SNX21: variants seen among roughly 807,000 people sequenced by gnomAD.
The protein encoded by SNX21 is sorting nexin family member 21, also known as sorting nexin-21.
SNX21 carries 36 observed loss-of-function variants against 30.9 expected under a neutral mutation model. The ratio of observed to expected loss-of-function variants is 1.16; its 90% confidence interval spans 0.89 to 1.54. SNX21 has a LOEUF of 1.54. Among genes scored for constraint, SNX21 ranks in the 40% most tolerant of loss-of-function variants. The pLI is 0.00. For synonymous variants in SNX21, 218 were observed against 222.7 expected (o/e 0.98, Z 0.19); for missense variants, 508 against 516.5 (o/e 0.98, Z 0.16).
intron 3 of SNX21, among the ~76,000 whole-genome samples, chr20:45,839,195 T>G (rs1310429250): frequency 6.6e-6 from 1 of 152,138 alleles, no homozygotes; most frequent in Non-Finnish European, 1.5e-5. Context: ...CACTGCAACC[T>G]GCCCAAGAAG....
rs992706756 is a variant in SNX21, at chr20:45,841,227, C to T, written c.1036C>T (p.Arg346Trp). Residue 346 changes from arginine (R) to tryptophan (W), a missense_variant, in exon 4 of 4, where the codon CGG (arginine) becomes TGG (tryptophan). Arg to Trp is a moderately radical substitution (Grantham distance 101, BLOSUM62 -3). Coordinates refer to ENST00000491381, the MANE Select transcript of SNX21 (RefSeq NM_033421.4). ...CCTGGACAAACGTCAATCAGAGGCT[C>T]GGCTCCAAGCCCTGCAGGAGGCAGG... ...LGLDKRQSEA[R>W]LQALQEAGLT... 16 of 1,613,218 alleles carry T rather than the reference C, an allele frequency of 9.9e-6. No homozygotes were observed. The highest frequency in any genetic ancestry group is 6.7e-5 in the African/African-American group (5 of 74,930).
Position 45,841,103 on chromosome 20 carries a change from A to G in SNX21, c.912A>G (p.Ala304=), listed in dbSNP as rs1984067184. The G allele has an allele frequency of 6.2e-7, 1 of 1,609,892 alleles. No individual in the cohort carries two copies. The highest frequency in any genetic ancestry group is 8.5e-7 in the Non-Finnish European group (1 of 1,178,602). ...QELEDPGEAR[A]CCEKALQLLG... ...TGGAAGACCCTGGAGAGGCCCGGGC[A>G]TGCTGTGAGAAGGCCCTGCAGCTGC... Residue 304 remains alanine (A), a synonymous_variant, in exon 4 of 4, where the codon GCA becomes GCG. Transcript: ENST00000491381.
chr20:45,834,697 T>G (rs73308458), intron 2 of SNX21: 1 of 669,890 alleles, frequency 1.5e-6, no homozygotes, highest in East Asian at 2.8e-5. Flanking sequence ...TCAGAATTGC[T>G]GCAGGCATTA....
chr20:45,842,437 T>C lies in SNX21; in HGVS notation c.*1124T>C. ...TGTGTTAGGAAAACTATCGGCTCCC[T>C]GTATAATAAATCAAGCCAGGTCCTC... is the stretch of plus-strand genomic sequence containing the variant. On this transcript the variant is annotated 3_prime_UTR_variant, in exon 4 of 4. Transcript: ENST00000491381. The C allele has an allele frequency of 1.1e-5, 12 of 1,101,946 alleles. No homozygotes were observed. The highest frequency in any genetic ancestry group is 1.3e-5 in the Non-Finnish European group (12 of 903,338). 68.3% of individuals were successfully genotyped at this position (1,101,946 alleles called of 1,614,324 possible). A position where few individuals can be genotyped will look rare whatever the true frequency, so the allele number is the denominator to read the frequency against.
In SNX21 at chr20:45,840,890, G is replaced by A. The variant is rs779791518; in HGVS notation, c.699G>A (p.Pro233=). The A allele has an allele frequency of 8.7e-6, 14 of 1,613,222 alleles. No individual in the cohort carries two copies. Among genetic ancestry groups the A allele is most frequent in the East Asian group, 2.2e-5 (1 of 44,896 alleles). Residue 233 remains proline (P), a synonymous_variant, in exon 4 of 4, where the codon CCG becomes CCA. Transcript: ENST00000491381. The part of the protein sequence containing the change: ...LQAVPELRHA[P]DLQDFFVLPE... ...CAGTGCCTGAGCTGCGCCATGCCCC[G>A]GACCTGCAGGACTTCTTCGTGCTGC...
chr20:45,833,832 G>C lies in SNX21; in HGVS notation c.-88G>C. 4 of 1,230,198 alleles carry C rather than the reference G, an allele frequency of 3.3e-6. No individual in the cohort carries two copies. Among genetic ancestry groups the C allele is most frequent in the Non-Finnish European group, 4.1e-6 (4 of 973,454 alleles). The allele number at this position is 1,230,198 out of a possible 1,614,324, so 76.2% of individuals were successfully genotyped here. A position where few individuals can be genotyped will look rare whatever the true frequency, so the allele number is the denominator to read the frequency against. ...GCCCGAGCGGCGCTCTGAGCGGCCT[G>C]AGCCCGGCGGAGCCCTGCAGAACCC... is the stretch of plus-strand genomic sequence containing the variant. On this transcript the variant is annotated 5_prime_UTR_variant, in exon 1 of 4. Transcript: ENST00000491381.
rs751567722 is a variant in SNX21 at position 45,841,140 on chromosome 20, A to G, written c.949A>G (p.Ser317Gly). Reference sequence around the variant, plus strand: ...GGCCCTGCAGCTGCTTGGGGACAAGAGCCTCCACCCTTTGCTGGCACCCTT... The same window carrying G: ...GGCCCTGCAGCTGCTTGGGGACAAGGGCCTCCACCCTTTGCTGGCACCCTT... Reference protein sequence around the residue: ...EKALQLLGDKSLHPLLAPFLE... With the variant: ...EKALQLLGDKGLHPLLAPFLE... The change falls in exon 4 of 4, where the codon AGC (serine) becomes GGC (glycine). Residue 317 changes from serine (S) to glycine (G), a missense_variant. Physicochemically the swap from Ser to Gly is moderately conservative, Grantham distance 56 (BLOSUM62 0). Transcript: ENST00000491381. The G allele has an allele frequency of 6.2e-7, 1 of 1,612,974 alleles. No homozygotes were observed. The highest frequency in any genetic ancestry group is 2.2e-5 in the East Asian group (1 of 44,878).
At chr20:45,836,170 A>G (rs927908906) in intron 3 of SNX21, among the ~76,000 whole-genome samples, 3 of 152,180 alleles carry the variant, frequency 2.0e-5, no homozygotes, top group Non-Finnish European at 1.5e-5. Flanking sequence ...CTCCAATTTC[A>G]GCAGGGACCG....
At chr20:45,838,489 C>T (rs1261700171) in intron 3 of SNX21, 1 of 151,372 alleles carries the variant, frequency 6.6e-6, no homozygotes, top group Non-Finnish European at 1.5e-5. Flanking sequence ...CACGGTGGCT[C>T]ACACCTGTAA....
At chr20:45,837,407 T>C (rs1983635094) in intron 3 of SNX21, among the ~76,000 whole-genome samples, 1 of 152,230 alleles carries the variant, frequency 6.6e-6, no homozygotes, top group Non-Finnish European at 1.5e-5. Flanking sequence ...TAATCCCTAA[T>C]AGTGATATAC....
In SNX21 at chr20:45,842,388, A is replaced by G. The variant is rs1601085473; in HGVS notation, c.*1075A>G. 1.6e-6 allele frequency: 2 copies of G among 1,272,502 alleles called. No homozygotes were observed. The highest frequency in any genetic ancestry group is 7.1e-5 in the East Asian group (2 of 28,084). 78.8% of individuals were successfully genotyped at this position (1,272,502 alleles called of 1,614,324 possible). A position where few individuals can be genotyped will look rare whatever the true frequency, so the allele number is the denominator to read the frequency against. Reference sequence around the variant, plus strand: ...GTCTCCTTCAACAGCTCGGCCAAGCAGAACTGCTGTACCTCTGACCACTTG... The same window carrying G: ...GTCTCCTTCAACAGCTCGGCCAAGCGGAACTGCTGTACCTCTGACCACTTG... On this transcript the variant is annotated 3_prime_UTR_variant, in exon 4 of 4. Transcript: ENST00000491381.
Position 45,840,850 on chromosome 20 carries a change from T to C in SNX21, c.659T>C (p.Leu220Ser), listed in dbSNP as rs1336237401. 1 of 1,613,888 alleles carries C rather than the reference T, an allele frequency of 6.2e-7. No individual in the cohort carries two copies. The change falls in exon 4 of 4, where the codon TTG becomes TCG. Residue 220 changes from leucine to serine, a missense_variant. Transcript: ENST00000491381. Reference protein sequence around the residue: ...ARRSRAFEQFLGHLQAVPELR... With the variant: ...ARRSRAFEQFSGHLQAVPELR... ...CGTAGCCGGGCCTTTGAGCAGTTTTTGGGTCACCTGCAGGCAGTGCCTGAG... is the reference window on the plus strand; with the variant it reads ...CGTAGCCGGGCCTTTGAGCAGTTTTCGGGTCACCTGCAGGCAGTGCCTGAG...
At chr20:45,835,863 C>A (rs1007069954) in intron 3 of SNX21, among the ~76,000 whole-genome samples, 2 of 152,182 alleles carry the variant, frequency 1.3e-5, no homozygotes, top group African/African-American at 4.8e-5. Context: ...TTGGGGAGGA[C>A]CTTGGAGTCC....
rs2145734277 is a variant in SNX21, at chr20:45,834,376, C to CCGAGAACGA, written c.201_202insAACGACGAG (p.Glu67_Asp68insAsnAspGlu). 6.2e-7 allele frequency: 1 copy of CCGAGAACGA among 1,604,366 alleles called. No individual in the cohort carries two copies. The highest frequency in any genetic ancestry group is 2.2e-5 in the East Asian group (1 of 44,690). ...AGCGGCACCCTCAGCTTCACCAGCG[C>CCGAGAACGA]CGAGGACGACGAGGACGACGAGGAC... On this transcript the variant is annotated inframe_insertion, in exon 2 of 4. Transcript: ENST00000491381.
In SNX21 at chr20:45,840,340, CTAA is replaced by C. The variant is rs1428966504; in HGVS notation, c.448-297_448-295del. The C allele has an allele frequency of 6.5e-6, 10 of 1,537,448 alleles. No homozygotes were observed. The Admixed American group carries it at 1.8e-4, about 27-fold the overall frequency. ...TTTCCAGAGGGGGCTGTCAGAAGAA[CTAA>C]TGCTCTATGGGAAGGGAGTACAAAA... On this transcript the variant is annotated intron_variant, in intron 3 of 3. Coordinates refer to ENST00000491381, the MANE Select transcript of SNX21 (RefSeq NM_033421.4).
At position 45,842,241 on chromosome 20, in the gene SNX21, T is replaced by C. The variant is rs1426557361; in HGVS notation, c.*928T>C. The C allele has an allele frequency of 5.6e-6, 8 of 1,439,988 alleles. No individual in the cohort carries two copies. The highest frequency in any genetic ancestry group is 6.3e-6 in the Non-Finnish European group (7 of 1,103,716). 89.2% of individuals were successfully genotyped at this position (1,439,988 alleles called of 1,614,324 possible). A position where few individuals can be genotyped will look rare whatever the true frequency, so the allele number is the denominator to read the frequency against. On this transcript the variant is annotated 3_prime_UTR_variant, in exon 4 of 4. Transcript: ENST00000491381. The stretch of plus-strand genomic sequence containing the variant: ...TGCTCCAAATGCCCCTTCATGAGCT[T>C]ATTATGGACCGTCATTGAGGGGTAA...
At chr20:45,840,230 G>A (rs1346615182) in intron 3 of SNX21, 3 of 1,431,278 alleles carry the variant, frequency 2.1e-6, no homozygotes, top group African/African-American at 2.9e-5. Flanking sequence ...GGGATGTGGA[G>A]GCCAGGTGTC....
Position 45,841,679 on chromosome 20 carries a change from C to T in SNX21, c.*366C>T. On this transcript the variant is annotated 3_prime_UTR_variant, in exon 4 of 4. Coordinates refer to ENST00000491381, the MANE Select transcript of SNX21 (RefSeq NM_033421.4). ...GAGTCCTGGAGTTAAGGGATGAAGG[C>T]AAGGCTGCAGGTCTGGCCCAGGGGA... is the stretch of plus-strand genomic sequence containing the variant. 2.8e-6 allele frequency: 4 copies of T among 1,423,692 alleles called. No homozygotes were observed. Among genetic ancestry groups the T allele is most frequent in the Non-Finnish European group, 3.7e-6 (4 of 1,095,172 alleles). 88.2% of individuals were successfully genotyped at this position (1,423,692 alleles called of 1,614,324 possible). A position where few individuals can be genotyped will look rare whatever the true frequency, so the allele number is the denominator to read the frequency against.
chr20:45,836,224 G>C (rs112335639), intron 3 of SNX21, among the ~76,000 whole-genome samples: 7,344 of 152,186 alleles, frequency 0.048, 176 homozygotes, highest in Middle Eastern at 0.095. Context: ...GAGGCCGGGC[G>C]TGGTGGCTCA....
Sources: gnomAD v4.1 joint callset for allele counts (sites outside exome capture counted in the v4.1 genomes callset) on GRCh38, gnomAD v4.1.1 for gene constraint, MANE v1.5 for transcripts, NCBI Gene and HGNC (gene_info 2026-07-23, HGNC 2026-07-21) for gene names.